Variants in GPATCH1 observed in about 807,000 individuals in gnomAD.
GPATCH1 encodes G patch domain-containing protein 1.
GPATCH1 carries 73 observed loss-of-function variants against 114.9 expected under a neutral mutation model. The ratio of observed to expected loss-of-function variants is 0.64; its 90% CI spans 0.53 to 0.77. The LOEUF (loss-of-function observed/expected upper bound fraction) is 0.77. Among genes scored for constraint, GPATCH1 ranks in the 30% least tolerant of loss-of-function variants. The pLI, the probability that GPATCH1 is intolerant of heterozygous loss-of-function variation, is 0.00. For missense variants in GPATCH1, 1,058 were observed against 1,144.3 expected, an observed-to-expected ratio of 0.92 and a Z score of 1.09; for synonymous variants, 391 against 428.4, an observed-to-expected ratio of 0.91 and a Z score of 1.08.
intron 11 of GPATCH1, among the ~76,000 whole-genome samples, chr19:33,110,553 A>G (rs114054810): frequency 9.5e-4 from 145 of 152,220 alleles, no homozygotes; most frequent in African/African-American, 3.3e-3. Flanking sequence ...AGTAAATTAC[A>G]GGGTTGTTTT....
rs760025202 is a variant in GPATCH1, at chr19:33,096,187, T to A, written c.613-20T>A. 1.2e-5 allele frequency: 19 copies of A among 1,609,750 alleles called. No individual in the cohort carries two copies. The highest frequency in any genetic ancestry group is 1.5e-5 in the Non-Finnish European group (18 of 1,177,782). ...GCATCCTTCAGTGACTCACCTTAAT[T>A]CCACTTTAAACGGAAATAGGGTGAA... On this transcript the variant is annotated intron_variant, in intron 6 of 19. Transcript: ENST00000170564.
Position 33,086,566 on chromosome 19 carries a change from A to C in GPATCH1, c.74-1568A>C, listed in dbSNP as rs148052774. On this transcript the variant is annotated intron_variant, in intron 1 of 19. Coordinates refer to ENST00000170564, the MANE Select transcript of GPATCH1 (RefSeq NM_018025.3). Reference sequence around the variant, plus strand: ...CTGCAACCTCCTCCTCCTAGGTTCAAGCGATTCATCTGCCTCAGCCTCCCG... The same window carrying C: ...CTGCAACCTCCTCCTCCTAGGTTCACGCGATTCATCTGCCTCAGCCTCCCG... 8.0e-3 allele frequency among the ~76,000 whole-genome samples: 1,220 copies of C among 152,114 alleles called. 15 individuals carry two copies. The highest frequency in any genetic ancestry group is 0.028 in the African/African-American group (1,148 of 41,484).
intron 7 of GPATCH1, 132 bp from the exon 8 acceptor site, chr19:33,097,623 C>T (rs1263296956): frequency 2.4e-5 from 19 of 797,744 alleles, no homozygotes; most frequent in Admixed American, 9.6e-5. Flanking sequence ...CTGGGACCCC[C>T]GTTCACTTCT....
At chr19:33,122,476 C>T (rs944853446) in intron 17 of GPATCH1, among the ~76,000 whole-genome samples, 1 of 152,076 alleles carries the variant, frequency 6.6e-6, no homozygotes, top group African/African-American at 2.4e-5. Context: ...AGGTGCCTGC[C>T]ACCACGCCTG....
Position 33,081,216 on chromosome 19 carries a change from G to T in GPATCH1, c.23G>T (p.Ser8Ile). The part of the protein sequence containing the change: MAARDSD[S>I]EEDLVSYGTG... ...AGGATGGCGGCGCGGGACAGTGACA[G>T]CGAAGAAGATCTGGTCAGCTATGGG... Residue 8 changes from serine (S) to isoleucine (I), a missense_variant, in exon 1 of 20, where the codon AGC becomes ATC. Around this residue, in one of 3 missense-constraint regions of GPATCH1, gnomAD observed 131 missense variants for 107.2 expected, o/e 1.22. Transcript: ENST00000170564. 1 of 1,551,706 alleles carries T rather than the reference G, an allele frequency of 6.4e-7. No individual in the cohort carries two copies. Among genetic ancestry groups the T allele is most frequent in the Non-Finnish European group, 8.7e-7 (1 of 1,147,030 alleles).
rs1411170183 is a variant in GPATCH1, at chr19:33,096,252, A to G, written c.658A>G (p.Lys220Glu). Residue 220 changes from lysine (K) to glutamate (E), a missense_variant, in exon 7 of 20, where the codon AAA becomes GAA. Lys to Glu is a moderately conservative substitution (Grantham distance 56, BLOSUM62 1). Transcript: ENST00000170564. ...GCCTGATAATGTGACCTTTGCACCC[A>G]AAGATGTCACACCTGTGGATTTCAC... is the stretch of plus-strand genomic sequence containing the variant. ...YLPDNVTFAP[K>E]DVTPVDFTPK... 6.2e-7 allele frequency: 1 copy of G among 1,613,432 alleles called. No individual in the cohort carries two copies. The highest frequency in any genetic ancestry group is 8.5e-7 in the Non-Finnish European group (1 of 1,179,358).
chr19:33,082,361 T>C (rs993214070), intron 1 of GPATCH1, among the ~76,000 whole-genome samples: 1 of 152,196 alleles, frequency 6.6e-6, no homozygotes, highest in Non-Finnish European at 1.5e-5. Flanking sequence ...GGTGGAATCA[T>C]TGGGCCACAA....
At chr19:33,120,913 C>G (rs1972976330) in intron 17 of GPATCH1, among the ~76,000 whole-genome samples, 1 of 151,552 alleles carries the variant, frequency 6.6e-6, no homozygotes, top group South Asian at 2.1e-4. Context: ...GGGCGTGAAC[C>G]TGGGAGGCGG....
rs757712348 is a variant in GPATCH1 at position 33,111,799 on chromosome 19, C to T, written c.1661C>T (p.Ala554Val). The change falls in exon 12 of 20, where the codon GCG becomes GTG. Residue 554 changes from alanine (A) to valine (V), a missense_variant. Around this residue, in one of 3 missense-constraint regions of GPATCH1, gnomAD observed 893 missense variants for 977.4 expected, o/e 0.91. Transcript: ENST00000170564. ...RGRERDEFAR[A>V]ALLYASSHST... is the part of the protein sequence containing the mutation. Reference sequence around the variant, plus strand: ...CGTGAGCGGGATGAGTTTGCCCGGGCGGCCCTGCTGTACGCATCTTCCCAT... The same window carrying T: ...CGTGAGCGGGATGAGTTTGCCCGGGTGGCCCTGCTGTACGCATCTTCCCAT... 2.7e-5 allele frequency: 43 copies of T among 1,613,998 alleles called. No individual in the cohort carries two copies. The highest frequency in any genetic ancestry group is 1.2e-4 in the African/African-American group (9 of 75,024).
chr19:33,118,533 T>C (rs1466834277), intron 16 of GPATCH1, among the ~76,000 whole-genome samples: 1 of 152,184 alleles, frequency 6.6e-6, no homozygotes, highest in Non-Finnish European at 1.5e-5. Context: ...TATAGTAATC[T>C]GCTTAAAAAA....
At chr19:33,088,083 A>G (rs1972551889) in intron 1 of GPATCH1, 51 bp from the exon 2 acceptor site, 1 of 1,110,262 alleles carries the variant, frequency 9.0e-7, no homozygotes, top group South Asian at 1.7e-5. Flanking sequence ...ATTTGAACCG[A>G]CCATCTCCTC....
At chr19:33,089,653 C>T (rs1372064475) in intron 2 of GPATCH1, among the ~76,000 whole-genome samples, 1 of 150,542 alleles carries the variant, frequency 6.6e-6, no homozygotes, top group East Asian at 2.0e-4. Flanking sequence ...TGTAGTCTCA[C>T]TCTGTCGCCC....
At chr19:33,129,944 C>T (rs1044791572) in intron 19 of GPATCH1, among the ~76,000 whole-genome samples, 186 bp from the exon 20 acceptor site, 6 of 84,100 alleles carry the variant, frequency 7.1e-5, no homozygotes, top group African/African-American at 4.5e-4. Flanking sequence ...GACTCCATCT[C>T]GGGGGAAAAA....
intron 2 of GPATCH1, among the ~76,000 whole-genome samples, chr19:33,089,917 G>T (rs1972576153): frequency 4.6e-5 from 7 of 151,508 alleles, no homozygotes. Context: ...ACCATGCCCG[G>T]CCTTACCATT....
In GPATCH1 at chr19:33,119,035, G is replaced by T. The variant is rs558082752; in HGVS notation, c.2439G>T (p.Pro813=). 6.2e-7 allele frequency: 1 copy of T among 1,612,376 alleles called. No individual in the cohort carries two copies. The highest frequency in any genetic ancestry group is 8.5e-7 in the Non-Finnish European group (1 of 1,179,202). The change falls in exon 17 of 20, where the codon CCG becomes CCT. Residue 813 remains proline, a synonymous_variant. Coordinates refer to ENST00000170564, the MANE Select transcript of GPATCH1 (RefSeq NM_018025.3). ...AHALVPAPQE[P]PPSFPIQKMQ... ...CTCTTGTGCCAGCACCCCAGGAGCCGCCACCTTCCTTCCCGATACAAAAGA... is the reference window on the plus strand; with the variant it reads ...CTCTTGTGCCAGCACCCCAGGAGCCTCCACCTTCCTTCCCGATACAAAAGA...
intron 1 of GPATCH1, 49 bp downstream of exon 1, chr19:33,081,315 C>A (rs1972473494): frequency 1.4e-6 from 2 of 1,460,996 alleles, no homozygotes; most frequent in South Asian, 1.2e-5. Context: ...GGCCAAGGGC[C>A]CAGGATTCGG....
At chr19:33,122,399 A>G (rs540242913) in intron 17 of GPATCH1, among the ~76,000 whole-genome samples, 14 of 148,716 alleles carry the variant, frequency 9.4e-5, no homozygotes, top group Middle Eastern at 3.4e-3. Flanking sequence ...ATCTTGGCTC[A>G]CTGCAAGCTG....
At chr19:33,104,870 A>G (rs560574877) in intron 9 of GPATCH1, among the ~76,000 whole-genome samples, 17 of 152,304 alleles carry the variant, frequency 1.1e-4, no homozygotes, top group African/African-American at 4.1e-4. Flanking sequence ...TAGCTTAAAT[A>G]ACAAACACGT....
intron 13 of GPATCH1, 84 bp from the exon 14 acceptor site, chr19:33,113,683 G>A (rs1486738659): frequency 1.6e-6 from 2 of 1,227,790 alleles, no homozygotes; most frequent in Non-Finnish European, 2.4e-6. Context: ...CAGAAGAGGT[G>A]GAAAACTTGA....
Sources: gnomAD v4.1 joint callset for allele counts (sites outside exome capture counted in the v4.1 genomes callset) on GRCh38, gnomAD v4.1.1 for gene constraint, gnomAD v4.1.1 regional missense constraint, MANE v1.5 for transcripts, NCBI Gene and HGNC (gene_info 2026-07-23, HGNC 2026-07-21) for gene names.